EIF3E: variants seen among roughly 807,000 people sequenced by gnomAD.
EIF3E encodes eIF-3 p48.
EIF3E carries 25 observed loss-of-function variants against 59.3 expected under a neutral mutation model. The ratio of observed to expected loss-of-function variants is 0.42; its 90% CI spans 0.31 to 0.59. The LOEUF (loss-of-function observed/expected upper bound fraction) is 0.59, where lower values mean the gene tolerates loss of function less well. Among genes scored for constraint, EIF3E ranks in the 20% least tolerant of loss-of-function variants. The probability of loss-of-function intolerance (pLI) is 0.15; values close to 1 mark genes in which losing one functional copy is unlikely to be tolerated. For missense variants in EIF3E, 317 were observed against 534.3 expected (o/e 0.59, Z 4.01); for synonymous variants, 176 against 170.2 (o/e 1.03, Z -0.26).
intron 7 of EIF3E, among the ~76,000 whole-genome samples, chr8:108,220,733 C>A (rs964397944): frequency 6.6e-6 from 1 of 152,246 alleles, no homozygotes; most frequent in Non-Finnish European, 1.5e-5. Flanking sequence ...CTCAGAGCAA[C>A]TGTTCTCGCT....
chr8:108,248,027 G>C (rs1815980777), intron 1 of EIF3E, among the ~76,000 whole-genome samples: 1 of 120,980 alleles, frequency 8.3e-6, no homozygotes, highest in Admixed American at 7.5e-5. Flanking sequence ...ATTTTTTCTG[G>C]GGGGGGGGGC....
At chr8:108,223,030 C>T (rs1162528487) in intron 7 of EIF3E, among the ~76,000 whole-genome samples, 1 of 151,798 alleles carries the variant, frequency 6.6e-6, no homozygotes, top group Non-Finnish European at 1.5e-5. Context: ...AAATATGCCA[C>T]CAAATTAAAA....
chr8:108,219,721 A>T (rs1023057693), intron 7 of EIF3E, among the ~76,000 whole-genome samples: 2 of 151,752 alleles, frequency 1.3e-5, no homozygotes, highest in Non-Finnish European at 2.9e-5. Context: ...ACAAAAAATA[A>T]TAATAATAAA....
intron 7 of EIF3E, among the ~76,000 whole-genome samples, chr8:108,218,658 T>C (rs1815347150): frequency 6.6e-6 from 1 of 152,194 alleles, no homozygotes. Flanking sequence ...AAATTTTGTA[T>C]TGCAATACTC....
At position 108,232,656 on chromosome 8, in the gene EIF3E, T is replaced by C. The variant is rs541679612; in HGVS notation, c.471+2342A>G. 1.4e-3 allele frequency among the ~76,000 whole-genome samples: 207 copies of C among 152,320 alleles called. 1 individual carries two copies. Among genetic ancestry groups the C allele is most frequent in the African/African-American group, 4.9e-3 (202 of 41,584 alleles). Reference sequence around the variant, plus strand: ...CTAGAATGTGTTATATGTGTTAGAATAAAAGCTTTTTGTAGCAGTGTAGCA... The same window carrying C: ...CTAGAATGTGTTATATGTGTTAGAACAAAAGCTTTTTGTAGCAGTGTAGCA... On this transcript the variant is annotated intron_variant, in intron 5 of 12. Transcript: ENST00000220849.
At chr8:108,226,029 A>C (rs1470797557) in intron 7 of EIF3E, among the ~76,000 whole-genome samples, 1 of 152,232 alleles carries the variant, frequency 6.6e-6, no homozygotes, top group Non-Finnish European at 1.5e-5. Context: ...CTTTAAAACC[A>C]AGTAACATTC....
intron 7 of EIF3E, among the ~76,000 whole-genome samples, chr8:108,222,495 C>A (rs1483402941): frequency 6.6e-6 from 1 of 152,156 alleles, no homozygotes; most frequent in African/African-American, 2.4e-5. Flanking sequence ...TATCTCAATT[C>A]ACATTCTTGA....
At chr8:108,212,390 T>C (rs1001369668) in intron 10 of EIF3E, among the ~76,000 whole-genome samples, 1 of 152,236 alleles carries the variant, frequency 6.6e-6, no homozygotes, top group Non-Finnish European at 1.5e-5. Flanking sequence ...TTTTCAGATA[T>C]AAAACATTTC....
intron 3 of EIF3E, among the ~76,000 whole-genome samples, chr8:108,237,191 TAAAG>T (rs140120234): frequency 0.02 from 2,997 of 152,324 alleles, 100 homozygotes; most frequent in African/African-American, 0.066. Flanking sequence ...AAACTAATAA[TAAAG>T]AAAGACATCA....
chr8:108,215,317 T>C (rs567185942), intron 9 of EIF3E, among the ~76,000 whole-genome samples: 4 of 152,142 alleles, frequency 2.6e-5, no homozygotes, highest in African/African-American at 9.6e-5. Flanking sequence ...TTCCATCTAA[T>C]GTTTGAAAAT....
At chr8:108,224,061 CA>C (rs879861994) in intron 7 of EIF3E, among the ~76,000 whole-genome samples, 94 of 140,086 alleles carry the variant, frequency 6.7e-4, no homozygotes, top group Admixed American at 5.7e-4. Context: ...ACTAAAAATA[CA>C]AAAAAAAAAA....
intron 10 of EIF3E, among the ~76,000 whole-genome samples, chr8:108,208,955 T>C (rs1298782061): frequency 6.6e-6 from 1 of 152,114 alleles, no homozygotes; most frequent in African/African-American, 2.4e-5. Context: ...TAAACAGATT[T>C]GTAACTTATC....
intron 10 of EIF3E, among the ~76,000 whole-genome samples, chr8:108,205,505 T>C (rs1273800882): frequency 6.6e-6 from 1 of 152,216 alleles, no homozygotes; most frequent in Non-Finnish European, 1.5e-5. Flanking sequence ...CACTTATCCG[T>C]AGTTCCACTT....
rs114028236 is a variant in EIF3E, at chr8:108,227,052, C to G, written c.722+1215G>C. On this transcript the variant is annotated intron_variant, in intron 7 of 12. Coordinates refer to ENST00000220849, the MANE Select transcript of EIF3E (RefSeq NM_001568.3). Reference sequence around the variant, plus strand: ...AAGACTGTTAATGTAGGGCTGGGCCCAGTGGCTCATGCCTGTAATCTCAGC... The same window carrying G: ...AAGACTGTTAATGTAGGGCTGGGCCGAGTGGCTCATGCCTGTAATCTCAGC... Among the ~76,000 whole-genome samples the G allele has an allele frequency of 8.8e-3, 1,338 of 152,260 alleles. 36 individuals carry two copies. The highest frequency in any genetic ancestry group is 0.031 in the African/African-American group (1,275 of 41,546).
intron 7 of EIF3E, among the ~76,000 whole-genome samples, chr8:108,219,996 A>G (rs897553187): frequency 3.3e-5 from 5 of 151,926 alleles, no homozygotes; most frequent in Non-Finnish European, 7.4e-5. Flanking sequence ...TACAAAAATT[A>G]CCCAGGTGTG....
At chr8:108,222,788 C>T (rs530377468) in intron 7 of EIF3E, among the ~76,000 whole-genome samples, 1 of 149,702 alleles carries the variant, frequency 6.7e-6, no homozygotes, top group African/African-American at 2.5e-5. Flanking sequence ...TGTGTAATAG[C>T]AGGCTATACT....
intron 10 of EIF3E, among the ~76,000 whole-genome samples, chr8:108,208,724 T>A (rs902616176): frequency 1.3e-5 from 2 of 152,056 alleles, no homozygotes; most frequent in African/African-American, 2.4e-5. Flanking sequence ...GTAACCCCCA[T>A]TGGGAAATTA....
chr8:108,220,576 T>G lies in EIF3E; in HGVS notation c.723-3116A>C, dbSNP rs1445568911. Among the ~76,000 whole-genome samples, 6 of 152,230 alleles carry G rather than the reference T, an allele frequency of 3.9e-5. No homozygotes were observed. The South Asian group carries it at 8.3e-4, about 21-fold the overall frequency. On this transcript the variant is annotated intron_variant, in intron 7 of 12. Coordinates refer to ENST00000220849, the MANE Select transcript of EIF3E (RefSeq NM_001568.3). The stretch of plus-strand genomic sequence containing the variant: ...CAATATAAATTCTACATATAAACAC[T>G]TTTGTTTTGCAATTTTAGATGGCAC...
In EIF3E at chr8:108,236,403, T is replaced by C. The variant is rs115412995; in HGVS notation, c.324-200A>G. Among the ~76,000 whole-genome samples, 653 of 152,332 alleles carry C rather than the reference T, an allele frequency of 4.3e-3. 4 individuals carry two copies. Among genetic ancestry groups the C allele is most frequent in the African/African-American group, 0.015 (615 of 41,572 alleles). On this transcript the variant is annotated intron_variant, in intron 3 of 12. Transcript: ENST00000220849. ...ACAAGGAGAGCTACAAACTTTAAAA[T>C]TGACTTTCAGATTTCTTTAGCCCTA...
Sources: gnomAD v4.1 joint callset for allele counts (sites outside exome capture counted in the v4.1 genomes callset) on GRCh38, gnomAD v4.1.1 for gene constraint, MANE v1.5 for transcripts, NCBI Gene and HGNC (gene_info 2026-07-23, HGNC 2026-07-21) for gene names.